Variants in TP63 observed in about 807,000 individuals in gnomAD.
The protein encoded by TP63 is tumor protein 63.
A neutral mutation model predicts 82.8 loss-of-function variants in TP63; 17 were observed. That is an observed-to-expected ratio of 0.21 (90% CI 0.14 to 0.31). The LOEUF (loss-of-function observed/expected upper bound fraction) is 0.31, where lower values mean the gene tolerates loss of function less well. TP63 is among the 10% of genes least tolerant of loss of function. The pLI is 1.00. For missense variants in TP63, 648 were observed against 895.3 expected (o/e 0.72, Z 3.52); for synonymous variants, 330 against 321.7 (o/e 1.03, Z -0.28).
intron 3 of TP63, among the ~76,000 whole-genome samples, chr3:189,745,561 G>T (rs1721303896): frequency 6.6e-6 from 1 of 151,760 alleles, no homozygotes; most frequent in African/African-American, 2.4e-5. Flanking sequence ...ACAAAAATTA[G>T]CTGGGCGTGA....
At chr3:189,691,514 T>C (rs1221302246) in intron 1 of TP63, among the ~76,000 whole-genome samples, 1 of 152,166 alleles carries the variant, frequency 6.6e-6, no homozygotes, top group African/African-American at 2.4e-5. Flanking sequence ...TCTGGCCTCT[T>C]TCCATTAGAT....
the TP63 span, among the ~76,000 whole-genome samples, chr3:189,605,635 C>G: frequency 6.6e-6 from 1 of 152,028 alleles, no homozygotes; most frequent in South Asian, 2.1e-4. Context: ...TAAAATGAAC[C>G]ATTAGAGACC....
chr3:189,743,078 T>C (rs1721116322), intron 3 of TP63, among the ~76,000 whole-genome samples: 1 of 152,132 alleles, frequency 6.6e-6, no homozygotes, highest in Admixed American at 6.5e-5. Context: ...CTTTAAAAAT[T>C]ATAATTCATA....
At chr3:189,728,920 A>C (rs1478863788) in intron 1 of TP63, among the ~76,000 whole-genome samples, 2 of 152,196 alleles carry the variant, frequency 1.3e-5, no homozygotes, top group Admixed American at 6.5e-5. Context: ...GTGGGGATAC[A>C]GAGCCAAACC....
intron 6 of TP63, among the ~76,000 whole-genome samples, 198 bp from the exon 7 acceptor site, chr3:189,867,635 A>G (rs1260658862): frequency 6.6e-6 from 1 of 152,210 alleles, no homozygotes; most frequent in Non-Finnish European, 1.5e-5. Flanking sequence ...GGTAGTGTTC[A>G]GTGTTGCAAA....
chr3:189,821,491 C>G (rs1351873535), intron 4 of TP63, among the ~76,000 whole-genome samples: 2 of 152,200 alleles, frequency 1.3e-5, no homozygotes, highest in Non-Finnish European at 2.9e-5. Flanking sequence ...GTGCTTACCA[C>G]ATGGAGGATG....
chr3:189,857,884 G>A (rs1185230632), intron 4 of TP63, among the ~76,000 whole-genome samples: 6 of 152,170 alleles, frequency 3.9e-5, no homozygotes, highest in Admixed American at 3.9e-4. Flanking sequence ...CTTTCAGTGG[G>A]AATGTAAATT....
At chr3:189,761,369 C>A (rs555159237) in intron 3 of TP63, among the ~76,000 whole-genome samples, 5 of 143,082 alleles carry the variant, frequency 3.5e-5, no homozygotes, top group Non-Finnish European at 6.4e-5. Flanking sequence ...CACCAGATAC[C>A]CTAAATTATC....
chr3:189,635,916 G>A (rs1442582577), intron 1 of TP63, among the ~76,000 whole-genome samples: 1 of 151,980 alleles, frequency 6.6e-6, no homozygotes, highest in African/African-American at 2.4e-5. Flanking sequence ...TTGATATGAG[G>A]TAAATGATGA....
In TP63 at chr3:189,894,436, T is replaced by C. The variant is rs1422850371; in HGVS notation, c.1977T>C (p.Asn659=). The C allele has an allele frequency of 1.2e-6, 2 of 1,613,974 alleles. No homozygotes were observed. Among genetic ancestry groups the C allele is most frequent in the Non-Finnish European group, 1.7e-6 (2 of 1,179,976 alleles). Residue 659 remains asparagine (N), a synonymous_variant, in exon 14 of 14, where the codon AAT becomes AAC. Transcript: ENST00000264731. ...TISFPPRDEW[N]DFNFDMDARR... ...CTTTCCCACCCCGAGATGAGTGGAA[T>C]GACTTCAACTTTGACATGGATGCTC...
chr3:189,708,520 A>G lies in TP63; in HGVS notation c.63-29220A>G, dbSNP rs1207311003. On this transcript the variant is annotated intron_variant, in intron 1 of 13. Coordinates refer to ENST00000264731, the MANE Select transcript of TP63 (RefSeq NM_003722.5). Reference sequence around the variant, plus strand: ...TAATTTCTGAGGAAAACCTCAAATGACATGTCCTTACTGAGAGATGGCATG... The same window carrying G: ...TAATTTCTGAGGAAAACCTCAAATGGCATGTCCTTACTGAGAGATGGCATG... Among the ~76,000 whole-genome samples, 5 of 152,198 alleles carry G rather than the reference A, an allele frequency of 3.3e-5. No individual in the cohort carries two copies. In the East Asian group the frequency reaches 9.6e-4, roughly 29 times the overall value.
intron 4 of TP63, among the ~76,000 whole-genome samples, chr3:189,812,322 A>G (rs1261001290): frequency 2.0e-5 from 3 of 152,244 alleles, no homozygotes; most frequent in African/African-American, 7.2e-5. Flanking sequence ...TTTCAATGAA[A>G]TGAAGTAAAA....
intron 1 of TP63, among the ~76,000 whole-genome samples, chr3:189,645,800 C>G (rs1712377373): frequency 6.8e-6 from 1 of 146,752 alleles, no homozygotes; most frequent in Non-Finnish European, 1.5e-5. Context: ...ATGATGGTTT[C>G]CAGCTTCATC....
chr3:189,802,476 G>A (rs572955604), intron 3 of TP63, among the ~76,000 whole-genome samples: 26 of 152,322 alleles, frequency 1.7e-4, no homozygotes, highest in Non-Finnish European at 3.4e-4. Flanking sequence ...CTTCACAGAT[G>A]AGGATGGCCA....
At chr3:189,731,305 C>G (rs1577318077) in intron 1 of TP63, among the ~76,000 whole-genome samples, 3 of 151,342 alleles carry the variant, frequency 2.0e-5, no homozygotes, top group African/African-American at 4.9e-5. Context: ...GATGGTGCCA[C>G]AAGACTCCAG....
chr3:189,677,331 T>TTTATATATATAAATATATATAAATAA (rs767050122), intron 1 of TP63, among the ~76,000 whole-genome samples: 54,407 of 139,688 alleles, frequency 0.39, 12,247 homozygotes, highest in East Asian at 0.58. Flanking sequence ...CACACACATA[T>TTTATATATATAAATATATATAAATAA]TTATATATAT....
chr3:189,729,327 T>C (rs1300042103), intron 1 of TP63, among the ~76,000 whole-genome samples: 1 of 152,048 alleles, frequency 6.6e-6, no homozygotes. Context: ...ATGTAGAACT[T>C]TAATGGGAGA....
chr3:189,884,912 G>A (rs986125857), intron 10 of TP63, among the ~76,000 whole-genome samples: 2 of 152,072 alleles, frequency 1.3e-5, no homozygotes, highest in African/African-American at 4.8e-5. Flanking sequence ...CAGAGTGGCA[G>A]CTTCGAAGAC....
intron 1 of TP63, among the ~76,000 whole-genome samples, chr3:189,658,930 G>T (rs1332786141): frequency 6.6e-6 from 1 of 151,904 alleles, no homozygotes; most frequent in Non-Finnish European, 1.5e-5. Flanking sequence ...TGTGACAAAC[G>T]TACATACTAA....
Sources: allele counts gnomAD v4.1 joint callset (sites outside exome capture counted in the v4.1 genomes callset), GRCh38; gene constraint gnomAD v4.1.1; transcripts MANE v1.5; gene names NCBI Gene and HGNC (gene_info 2026-07-23, HGNC 2026-07-21).